The following RMDN2 variants were observed in gnomAD, a reference collection of about 807,000 sequenced individuals.
RMDN2 encodes regulator of microtubule dynamics protein 2.
In RMDN2, 61 loss-of-function variants were observed where a neutral mutation model predicts 52.8. The ratio of observed to expected loss-of-function variants is 1.16; its 90% CI spans 0.94 to 1.43. RMDN2 has a LOEUF of 1.43. RMDN2 is among the 40% of genes most tolerant of loss of function. The pLI is 0.00. For synonymous variants in RMDN2, 180 were observed against 153.1 expected, an observed-to-expected ratio of 1.18 and a Z score of -1.30; for missense variants, 592 against 475.3, an observed-to-expected ratio of 1.25 and a Z score of -2.28.
At chr2:38,006,747 T>A (rs926271431) in intron 10 of RMDN2, among the ~76,000 whole-genome samples, 9 of 152,280 alleles carry the variant, frequency 5.9e-5, no homozygotes, top group Admixed American at 1.3e-4. Flanking sequence ...CTATGTTGAA[T>A]AGGAGTGGTG....
At chr2:37,986,308 A>C (rs1426722803) in intron 5 of RMDN2, among the ~76,000 whole-genome samples, 2 of 152,124 alleles carry the variant, frequency 1.3e-5, no homozygotes, top group Non-Finnish European at 2.9e-5. Context: ...TGGAATAAAT[A>C]ATTTATAATT....
intron 10 of RMDN2, among the ~76,000 whole-genome samples, chr2:38,048,914 C>A (rs1681431202): frequency 6.6e-6 from 1 of 152,234 alleles, no homozygotes; most frequent in Non-Finnish European, 1.5e-5. Flanking sequence ...AATTGATTGA[C>A]TAACTCATTA....
At chr2:37,957,454 G>A (rs994308891) in intron 2 of RMDN2, among the ~76,000 whole-genome samples, 2 of 151,964 alleles carry the variant, frequency 1.3e-5, no homozygotes, top group Non-Finnish European at 2.9e-5. Context: ...TTTAAGAAGT[G>A]TCTGTTGATA....
intron 10 of RMDN2, among the ~76,000 whole-genome samples, chr2:38,038,292 ACGCCG>A (rs1680730482): frequency 3.3e-5 from 5 of 152,066 alleles, no homozygotes; most frequent in African/African-American, 9.7e-5. Context: ...GCGAGGGCGG[ACGCCG>A]ACTGCGAGTC....
chr2:38,022,113 C>G (rs915313538), downstream of RMDN2, among the ~76,000 whole-genome samples: 4 of 152,126 alleles, frequency 2.6e-5, no homozygotes, highest in African/African-American at 9.7e-5. Context: ...ACTCCTTAAT[C>G]TAGTCTTAGT....
chr2:37,936,837 G>C (rs1236418157), intron 2 of RMDN2, among the ~76,000 whole-genome samples: 2 of 152,138 alleles, frequency 1.3e-5, no homozygotes, highest in Non-Finnish European at 2.9e-5. Context: ...CTCCCATTCT[G>C]TAGGGTGCCT....
Position 38,004,948 on chromosome 2 carries a change from G to A in RMDN2, c.1179+732G>A, listed in dbSNP as rs544250900. 2.6e-5 allele frequency among the ~76,000 whole-genome samples: 4 copies of A among 151,984 alleles called. No homozygotes were observed. In the South Asian group the frequency reaches 6.2e-4, roughly 24 times the overall value. On this transcript the variant is annotated intron_variant, in intron 10 of 10. Transcript: ENST00000354545. ...CCACCTATGAGTGACAACATGTGGT[G>A]TTTGGTTTTTTGTCCTTGCGATAGT...
chr2:37,978,638 C>T lies in RMDN2; in HGVS notation c.731-2645C>T, dbSNP rs145638273. Among the ~76,000 whole-genome samples the T allele has an allele frequency of 3.2e-3, 491 of 152,198 alleles. 4 individuals are homozygous for T. In the East Asian group the frequency reaches 0.044, roughly 14 times the overall value. On this transcript the variant is annotated intron_variant, in intron 4 of 10. Transcript: ENST00000354545. The stretch of plus-strand genomic sequence containing the variant: ...CTCAGAAGCCCGAGACCAGCCTGGG[C>T]AACATAGGGAGACCTTGTCTCTACT...
chr2:37,955,746 C>T (rs1196712714), intron 2 of RMDN2, among the ~76,000 whole-genome samples: 1 of 152,126 alleles, frequency 6.6e-6, no homozygotes, highest in Non-Finnish European at 1.5e-5. Flanking sequence ...ATTCTGAGGC[C>T]TCCCCAGCTA....
In RMDN2 at chr2:37,974,186, T is replaced by G. The variant is rs1672161919; in HGVS notation, c.599T>G (p.Phe200Cys). 3 of 1,612,704 alleles carry G rather than the reference T, an allele frequency of 1.9e-6. No homozygotes were observed. Among genetic ancestry groups the G allele is most frequent in the Non-Finnish European group, 2.5e-6 (3 of 1,179,478 alleles). The change falls in exon 3 of 11, where the codon TTT (phenylalanine) becomes TGT (cysteine). Residue 200 changes from phenylalanine (F) to cysteine (C), a missense_variant. Physicochemically the swap from Phe to Cys is radical, Grantham distance 205. Transcript: ENST00000354545. The part of the protein sequence containing the change: ...RMSESGKSES[F>C]ELLRDHKEKF... ...AGTGAGTCTGGCAAGTCGGAGAGTTTTGAACTACTTCGTGACCACAAAGAA... is the reference window on the plus strand; with the variant it reads ...AGTGAGTCTGGCAAGTCGGAGAGTTGTGAACTACTTCGTGACCACAAAGAA...
chr2:37,949,702 G>C (rs959765593), intron 2 of RMDN2, among the ~76,000 whole-genome samples: 2 of 152,136 alleles, frequency 1.3e-5, no homozygotes, highest in African/African-American at 4.8e-5. Context: ...TAGGAAGGGA[G>C]CAAAGGCTAG....
At chr2:38,060,368 T>C (rs571475797) in intron 10 of RMDN2, among the ~76,000 whole-genome samples, 96 of 152,266 alleles carry the variant, frequency 6.3e-4, no homozygotes, top group African/African-American at 2.1e-3. Flanking sequence ...GGAAACCACA[T>C]TGGAAAACAC....
chr2:37,997,349 C>G, intron 7 of RMDN2, 67 bp from the exon 8 acceptor site: 1 of 954,366 alleles, frequency 1.0e-6, no homozygotes, highest in Non-Finnish European at 1.7e-6. Context: ...ACACGTCTAA[C>G]TGGGGAGAGA....
At chr2:38,046,161 A>G (rs1681260394) in intron 10 of RMDN2, among the ~76,000 whole-genome samples, 1 of 152,240 alleles carries the variant, frequency 6.6e-6, no homozygotes, top group Non-Finnish European at 1.5e-5. Context: ...CACAGAGAAG[A>G]CACATAAGAA....
At chr2:38,000,087 G>A (rs1027655605) in intron 8 of RMDN2, among the ~76,000 whole-genome samples, 2 of 152,172 alleles carry the variant, frequency 1.3e-5, no homozygotes, top group Admixed American at 1.3e-4. Context: ...TATTATAGCA[G>A]GGGAAAATTG....
intron 2 of RMDN2, among the ~76,000 whole-genome samples, chr2:37,940,169 G>A (rs944128684): frequency 1.3e-5 from 2 of 152,118 alleles, no homozygotes; most frequent in Non-Finnish European, 2.9e-5. Context: ...ATGAAGTTCT[G>A]GGTTGAAAAT....
intron 2 of RMDN2, among the ~76,000 whole-genome samples, chr2:37,944,446 A>G (rs1022640240): frequency 1.3e-5 from 2 of 152,216 alleles, no homozygotes; most frequent in African/African-American, 2.4e-5. Context: ...CTGCATTCCA[A>G]TAAAACTTTA....
At chr2:38,063,833 T>C (rs908470504) in intron 10 of RMDN2, among the ~76,000 whole-genome samples, 5 of 152,220 alleles carry the variant, frequency 3.3e-5, no homozygotes, top group African/African-American at 4.8e-5. Context: ...TCCCCAATAC[T>C]TGGTATATGT....
chr2:38,003,856 G>A (rs1676689520), intron 8 of RMDN2, 135 bp from the exon 9 acceptor site: 1 of 689,622 alleles, frequency 1.5e-6, no homozygotes, highest in Non-Finnish European at 2.5e-6. Context: ...TGATTCAAAT[G>A]TGAAACAACC....
Sources: gnomAD v4.1 joint callset for allele counts (sites outside exome capture counted in the v4.1 genomes callset) on GRCh38, gnomAD v4.1.1 for gene constraint, MANE v1.5 for transcripts, NCBI Gene and HGNC (gene_info 2026-07-23, HGNC 2026-07-21) for gene names.